Variants in PLPP1 observed in about 807,000 individuals in gnomAD.
PLPP1 encodes the protein phospholipid phosphatase 1.
A neutral mutation model predicts 31.2 loss-of-function variants in PLPP1; 24 were observed. The observed-to-expected ratio is 0.77, with a 90% CI of 0.56 to 1.08. The LOEUF (loss-of-function observed/expected upper bound fraction) is 1.08, where lower values mean the gene tolerates loss of function less well. Among genes scored for constraint, PLPP1 ranks in the 50% least tolerant of loss-of-function variants. PLPP1 has a pLI of 0.00. For synonymous variants in PLPP1, 146 were observed against 126.3 expected (o/e 1.16, Z -1.05); for missense variants, 319 against 342.7 (o/e 0.93, Z 0.55).
intron 4 of PLPP1, among the ~76,000 whole-genome samples, chr5:55,433,507 AT>A (rs561889897): frequency 0.036 from 2,114 of 59,348 alleles, 65 homozygotes; most frequent in African/African-American, 0.066. Context: ...AATCTCTAGC[AT>A]TTTTTTTTTT....
intron 3 of PLPP1, among the ~76,000 whole-genome samples, chr5:55,448,449 C>CT (rs11414425): frequency 0.22 from 27,769 of 128,038 alleles, 3,754 homozygotes; most frequent in African/African-American, 0.28. Context: ...ATTCTAGCAC[C>CT]TTTTTTTTTT....
chr5:55,489,397 GCA>G (rs993764823), intron 1 of PLPP1, among the ~76,000 whole-genome samples: 10 of 152,216 alleles, frequency 6.6e-5, no homozygotes, highest in Non-Finnish European at 1.3e-4. Context: ...GTACTTCCCT[GCA>G]CACAGTTTCT....
At chr5:55,527,472 G>A (rs1446379032) in intron 1 of PLPP1, among the ~76,000 whole-genome samples, 1 of 152,182 alleles carries the variant, frequency 6.6e-6, no homozygotes, top group Non-Finnish European at 1.5e-5. Flanking sequence ...AGAAAGCCAA[G>A]ATGGCAGCCC....
intron 1 of PLPP1, among the ~76,000 whole-genome samples, chr5:55,524,022 T>C (rs905779447): frequency 1.3e-5 from 2 of 152,224 alleles, no homozygotes; most frequent in Admixed American, 1.3e-4. Context: ...GCTCCTAGCA[T>C]TGTATTACAG....
At chr5:55,510,687 T>C (rs1423591090) in intron 1 of PLPP1, among the ~76,000 whole-genome samples, 2 of 152,212 alleles carry the variant, frequency 1.3e-5, no homozygotes, top group African/African-American at 4.8e-5. Context: ...ATTCAGCTAC[T>C]GGTGGAACCA....
chr5:55,454,260 A>G (rs965790419), intron 3 of PLPP1, among the ~76,000 whole-genome samples: 12 of 152,028 alleles, frequency 7.9e-5, no homozygotes, highest in South Asian at 2.1e-4. Context: ...AGCCAATCCT[A>G]TATCTCCCTC....
intron 1 of PLPP1, among the ~76,000 whole-genome samples, chr5:55,522,317 C>T (rs1753687704): frequency 6.6e-6 from 1 of 152,194 alleles, no homozygotes; most frequent in Non-Finnish European, 1.5e-5. Context: ...TAGTTACATC[C>T]TCCAGTATGA....
At chr5:55,458,082 G>T (rs187779857) in intron 3 of PLPP1, among the ~76,000 whole-genome samples, 1 of 152,210 alleles carries the variant, frequency 6.6e-6, no homozygotes, top group East Asian at 1.9e-4. Flanking sequence ...ACAAAACAGA[G>T]AATCAACACC....
intron 3 of PLPP1, among the ~76,000 whole-genome samples, chr5:55,457,421 G>A (rs1413969226): frequency 6.6e-6 from 1 of 152,106 alleles, no homozygotes; most frequent in Non-Finnish European, 1.5e-5. Context: ...GACAGTGAAT[G>A]AGTATGACAT....
intron 1 of PLPP1, among the ~76,000 whole-genome samples, chr5:55,516,973 A>C (rs1753567782): frequency 6.6e-6 from 1 of 152,178 alleles, no homozygotes; most frequent in Non-Finnish European, 1.5e-5. Flanking sequence ...GAAAGTATTA[A>C]TATGTCTTTA....
chr5:55,436,054 T>G (rs1350690989), intron 4 of PLPP1, among the ~76,000 whole-genome samples: 1 of 150,836 alleles, frequency 6.6e-6, no homozygotes, highest in Non-Finnish European at 1.5e-5. Context: ...GCCGGGATAT[T>G]ACTAGAGATT....
chr5:55,474,104 C>T (rs915142706), intron 2 of PLPP1, among the ~76,000 whole-genome samples: 2 of 150,954 alleles, frequency 1.3e-5, no homozygotes, highest in Non-Finnish European at 2.9e-5. Flanking sequence ...TCAAGCGATT[C>T]TCCTGCCTCA....
chr5:55,484,166 C>A (rs1374882304), intron 1 of PLPP1, among the ~76,000 whole-genome samples: 1 of 152,088 alleles, frequency 6.6e-6, no homozygotes, highest in Admixed American at 6.6e-5. Context: ...AAGCAAGAAG[C>A]CCCTCATCCT....
chr5:55,482,786 T>C (rs1006943248), intron 1 of PLPP1, among the ~76,000 whole-genome samples: 17 of 152,182 alleles, frequency 1.1e-4, no homozygotes, highest in Admixed American at 3.3e-4. Context: ...CTTTACACTT[T>C]ATAAAAATAA....
intron 3 of PLPP1, among the ~76,000 whole-genome samples, chr5:55,453,871 G>A (rs1371708615): frequency 6.6e-6 from 1 of 152,070 alleles, no homozygotes; most frequent in South Asian, 2.1e-4. Context: ...AACCCAGGAG[G>A]TGGAAGTTGC....
At chr5:55,500,360 T>G (rs951881336) in intron 1 of PLPP1, among the ~76,000 whole-genome samples, 7 of 152,090 alleles carry the variant, frequency 4.6e-5, no homozygotes, top group Non-Finnish European at 8.8e-5. Context: ...ATTACAGGCG[T>G]GAGCCACCAC....
At chr5:55,506,635 A>G (rs1286301632) in intron 1 of PLPP1, among the ~76,000 whole-genome samples, 1 of 152,166 alleles carries the variant, frequency 6.6e-6, no homozygotes, top group Non-Finnish European at 1.5e-5. Flanking sequence ...CTAGGAGCTG[A>G]TTTTTTACCA....
rs999255580 is a variant in PLPP1, at chr5:55,468,215, T to C, written c.211-66A>G. On this transcript the variant is annotated intron_variant, in intron 2 of 5. Transcript: ENST00000307259. Reference sequence around the variant, plus strand: ...CAGGCACTTTAAACAAAACAAAACATAGGGGGAAAAAAGGAAATGGTAAAT... The same window carrying C: ...CAGGCACTTTAAACAAAACAAAACACAGGGGGAAAAAAGGAAATGGTAAAT... The C allele has an allele frequency of 1.0e-5, 14 of 1,372,074 alleles. No homozygotes were observed. In the African/African-American group the frequency reaches 1.0e-4, roughly 10 times the overall value. 85.0% of individuals were successfully genotyped at this position (1,372,074 alleles called of 1,614,324 possible).
intron 1 of PLPP1, among the ~76,000 whole-genome samples, chr5:55,492,313 A>AT (rs368425510): frequency 4.6e-5 from 7 of 152,332 alleles, no homozygotes; most frequent in African/African-American, 1.7e-4. Flanking sequence ...CCCAAGGTAG[A>AT]TTTTTTGGGG....
Sources: allele counts gnomAD v4.1 joint callset (sites outside exome capture counted in the v4.1 genomes callset), GRCh38; gene constraint gnomAD v4.1.1; transcripts MANE v1.5; gene names NCBI Gene and HGNC (gene_info 2026-07-23, HGNC 2026-07-21).